The following SASH1 variants were observed in gnomAD, a reference collection of about 807,000 sequenced individuals.
SASH1 encodes SAM and SH3 domain-containing protein 1.
Under a neutral mutation model 125.2 loss-of-function variants are expected in SASH1, and 44 were observed. That is an observed-to-expected ratio of 0.35 (90% CI 0.28 to 0.45). The LOEUF (loss-of-function observed/expected upper bound fraction) is 0.45, where lower values mean the gene tolerates loss of function less well. Among genes scored for constraint, SASH1 ranks in the 20% least tolerant of loss-of-function variants. The probability of loss-of-function intolerance (pLI) is 1.00; values close to 1 mark genes in which losing one functional copy is unlikely to be tolerated. For synonymous variants in SASH1, 639 were observed against 649.1 expected (o/e 0.98, Z 0.24); for missense variants, 1,426 against 1,614.5 (o/e 0.88, Z 2.00).
chr6:148,332,062 T>C (rs945817125), intron 1 of SASH1, among the ~76,000 whole-genome samples: 15 of 152,218 alleles, frequency 9.9e-5, no homozygotes, highest in Admixed American at 5.9e-4. Flanking sequence ...TTCTGCTGTC[T>C]GCACTTTGTT....
Position 148,446,394 on chromosome 6 carries a change from C to T in SASH1, c.386+5987C>T, listed in dbSNP as rs530448960. 8.5e-5 allele frequency among the ~76,000 whole-genome samples: 13 copies of T among 152,234 alleles called. No homozygotes were observed. In the East Asian group the frequency reaches 2.3e-3, roughly 27 times the overall value. ...AAGTGCTGGGATGACAGGCGTGAGC[C>T]ACCGTGCCTGGCCAGGGTTCTTTTC... On this transcript the variant is annotated intron_variant, in intron 4 of 19. Coordinates refer to ENST00000367467, the MANE Select transcript of SASH1 (RefSeq NM_015278.5).
At chr6:148,348,915 C>T (rs556540018) in intron 1 of SASH1, among the ~76,000 whole-genome samples, 77 of 152,354 alleles carry the variant, frequency 5.1e-4, no homozygotes, top group Middle Eastern at 6.8e-3. Flanking sequence ...GCAGAGCGCC[C>T]CGAAGGCGGT....
chr6:148,392,466 A>G (rs567316542), intron 2 of SASH1, among the ~76,000 whole-genome samples: 65 of 152,324 alleles, frequency 4.3e-4, no homozygotes, highest in African/African-American at 1.5e-3. Flanking sequence ...TTTATGTTAC[A>G]TACAAGGGTT....
chr6:148,285,159 A>G (rs1246546338), intron 1 of SASH1, among the ~76,000 whole-genome samples: 1 of 152,184 alleles, frequency 6.6e-6, no homozygotes, highest in African/African-American at 2.4e-5. Flanking sequence ...CTTCAAGGAT[A>G]TATGGTCTTC....
chr6:148,465,952 T>C (rs77649833), intron 4 of SASH1, among the ~76,000 whole-genome samples: 8,094 of 152,216 alleles, frequency 0.053, 309 homozygotes, highest in African/African-American at 0.11. Context: ...TCCCTCCGTC[T>C]CTAACCTGTG....
chr6:148,395,072 G>A (rs574625821), intron 2 of SASH1, among the ~76,000 whole-genome samples: 1 of 152,186 alleles, frequency 6.6e-6, no homozygotes, highest in South Asian at 2.1e-4. Flanking sequence ...CATTTTATAG[G>A]GGAAAAGTAG....
rs374256427 is a variant in SASH1 at position 148,469,831 on chromosome 6, G to A, written c.427+1246G>A. 9.9e-5 allele frequency among the ~76,000 whole-genome samples: 15 copies of A among 152,206 alleles called. No homozygotes were observed. The East Asian group carries it at 2.1e-3, about 22-fold the overall frequency. On this transcript the variant is annotated intron_variant, in intron 5 of 19. Coordinates refer to ENST00000367467, the MANE Select transcript of SASH1 (RefSeq NM_015278.5). Reference sequence around the variant, plus strand: ...TGACGAGATCAGGAGTTCGAGACCAGCCTGGCCAATATGTCGAAACCTCAT... The same window carrying A: ...TGACGAGATCAGGAGTTCGAGACCAACCTGGCCAATATGTCGAAACCTCAT...
chr6:148,309,908 A>G (rs986052921), intron 1 of SASH1, among the ~76,000 whole-genome samples: 2 of 152,190 alleles, frequency 1.3e-5, no homozygotes, highest in African/African-American at 4.8e-5. Context: ...AGGAGTATTC[A>G]GTGAGGACAT....
the SASH1 span, among the ~76,000 whole-genome samples, chr6:148,224,598 T>C: frequency 1.3e-5 from 2 of 152,130 alleles, no homozygotes; most frequent in Non-Finnish European, 2.9e-5. Context: ...TAGCTTCAAG[T>C]GATCCGTTCT....
intron 1 of SASH1, among the ~76,000 whole-genome samples, chr6:148,298,712 A>AGGAAGGAAGGAAGGAAGGAAG (rs369219222): frequency 1.7e-5 from 1 of 58,822 alleles, no homozygotes; most frequent in Non-Finnish European, 3.5e-5. Context: ...GAAGGAAGGA[A>AGGAAGGAAGGAAGGAAGGAAG]GAAGGAAGGG....
At chr6:148,324,515 G>A (rs1217690322) in intron 1 of SASH1, among the ~76,000 whole-genome samples, 1 of 152,066 alleles carries the variant, frequency 6.6e-6, no homozygotes, top group Non-Finnish European at 1.5e-5. Context: ...GAATCACCCA[G>A]TCCTTCCAAT....
intron 1 of SASH1, among the ~76,000 whole-genome samples, chr6:148,286,650 G>A (rs1235480658): frequency 2.0e-5 from 3 of 152,074 alleles, no homozygotes; most frequent in Admixed American, 6.6e-5. Flanking sequence ...CTCTGTGTGT[G>A]TCTATGTCCT....
intron 6 of SASH1, among the ~76,000 whole-genome samples, chr6:148,472,832 CA>C (rs1363772738): frequency 1.3e-5 from 2 of 152,162 alleles, no homozygotes; most frequent in Non-Finnish European, 2.9e-5. Flanking sequence ...TCTCTTACAC[CA>C]AAGGCAAATT....
chr6:148,488,325 T>C (rs1350306979), intron 8 of SASH1, among the ~76,000 whole-genome samples: 2 of 152,268 alleles, frequency 1.3e-5, no homozygotes, highest in Non-Finnish European at 2.9e-5. Flanking sequence ...CAGAACTTCA[T>C]CCCTTTTTAT....
chr6:148,424,251 G>C (rs555611939), intron 2 of SASH1, among the ~76,000 whole-genome samples: 2 of 150,982 alleles, frequency 1.3e-5, no homozygotes, highest in Non-Finnish European at 3.0e-5. Flanking sequence ...TTTTGGGGGG[G>C]GGAGGTGGGA....
At chr6:148,340,067 C>T (rs778120035), upstream of SASH1, among the ~76,000 whole-genome samples, 1 of 152,164 alleles carries the variant, frequency 6.6e-6, no homozygotes, top group Non-Finnish European at 1.5e-5. Flanking sequence ...CAGGCTTCAT[C>T]CTAACCCCAG....
intron 2 of SASH1, among the ~76,000 whole-genome samples, chr6:148,418,546 T>C (rs182188682): frequency 1.3e-5 from 2 of 152,348 alleles, no homozygotes; most frequent in Admixed American, 6.5e-5. Context: ...ATGACTTCCA[T>C]AGTAAGGCAC....
chr6:148,326,335 T>TGTATATATATATATATATATATATATGC (rs1365935744), intron 1 of SASH1, among the ~76,000 whole-genome samples: 1 of 67,146 alleles, frequency 1.5e-5, no homozygotes, highest in Non-Finnish European at 3.0e-5. Context: ...TATATATATA[T>TGTATATATATATATATATATATATATGC]ATATATATAT....
At chr6:148,257,629 T>G in the SASH1 span, among the ~76,000 whole-genome samples, 4 of 107,452 alleles carry the variant, frequency 3.7e-5, no homozygotes, top group South Asian at 1.0e-3. Context: ...GTCAGTTTAC[T>G]TTTTTTTTTT....
Sources: allele counts gnomAD v4.1 joint callset (sites outside exome capture counted in the v4.1 genomes callset), GRCh38; gene constraint gnomAD v4.1.1; transcripts MANE v1.5; gene names NCBI Gene and HGNC (gene_info 2026-07-23, HGNC 2026-07-21).